The following TXLNB variants were observed in gnomAD, a reference collection of about 807,000 sequenced individuals.
TXLNB encodes beta-taxilin.
Under a neutral mutation model 57.4 loss-of-function variants are expected in TXLNB, and 37 were observed. That is an observed-to-expected ratio of 0.64 (90% CI 0.50 to 0.85). The LOEUF is 0.85. Among genes scored for constraint, TXLNB ranks in the 40% least tolerant of loss-of-function variants. The pLI is 0.00. For synonymous variants in TXLNB, 302 were observed against 309.6 expected, an observed-to-expected ratio of 0.98 and a Z score of 0.26; for missense variants, 848 against 825.6, an observed-to-expected ratio of 1.03 and a Z score of -0.33.
At chr6:139,179,913 A>AT in the TXLNB span, 7 of 152,280 alleles carry the variant, frequency 4.6e-5, no homozygotes, top group South Asian at 1.4e-3. Context: ...TATTCTTAAT[A>AT]TTTTTTAATT....
At chr6:139,189,251 T>C in the TXLNB span, among the ~76,000 whole-genome samples, 1 of 152,362 alleles carries the variant, frequency 6.6e-6, no homozygotes, top group South Asian at 2.1e-4. Context: ...GATTTCTCTT[T>C]TGATGTTTTT....
the TXLNB span, among the ~76,000 whole-genome samples, chr6:139,214,045 A>C: frequency 6.6e-6 from 1 of 152,224 alleles, no homozygotes; most frequent in Non-Finnish European, 1.5e-5. Flanking sequence ...ATTCTACCAG[A>C]GGGACAAGGA....
At chr6:139,198,013 G>A in the TXLNB span, 2 of 152,190 alleles carry the variant, frequency 1.3e-5, no homozygotes, top group African/African-American at 4.8e-5. Context: ...CACTGGCCAA[G>A]TAAATTTCAA....
At chr6:139,307,895 T>C in the TXLNB span, among the ~76,000 whole-genome samples, 47 of 152,302 alleles carry the variant, frequency 3.1e-4, 1 homozygote, top group South Asian at 9.7e-3. Context: ...TTTACACAAA[T>C]TTGCTCCTGA....
the TXLNB span, among the ~76,000 whole-genome samples, chr6:139,184,671 A>G: frequency 1.3e-5 from 2 of 152,232 alleles, no homozygotes; most frequent in Non-Finnish European, 2.9e-5. Context: ...AAACATGTCA[A>G]GCTGTCGGAT....
chr6:139,204,817 G>T, the TXLNB span, among the ~76,000 whole-genome samples: 1 of 152,028 alleles, frequency 6.6e-6, no homozygotes, highest in African/African-American at 2.4e-5. Context: ...ATGGGAGCTG[G>T]GTGAGGCCTA....
In TXLNB at chr6:139,255,629, G is replaced by A; in HGVS notation, c.1012C>T (p.Gln338Ter). The A allele has an allele frequency of 6.2e-7, 1 of 1,613,294 alleles. No individual in the cohort carries two copies. Among genetic ancestry groups the A allele is most frequent in the Non-Finnish European group, 8.5e-7 (1 of 1,179,492 alleles). The change falls in exon 7 of 10, where the codon CAG (glutamine) becomes TAG (stop). Residue 338 changes from glutamine (Q) to a stop codon, truncating the protein, a stop_gained. Transcript: ENST00000358430. LOFTEE classifies it high-confidence loss of function. ...HKREKEYLLN[Q>*]AAEWKLQAKV... ...GCCTGAAGTTTCCACTCTGCTGCCT[G>A]GTTCAGCAACTATGAGAAGAGAGAG... is the stretch of plus-strand genomic sequence containing the variant.
chr6:139,174,399 C>T, the TXLNB span: 3 of 1,613,694 alleles, frequency 1.9e-6, no homozygotes, highest in African/African-American at 4.0e-5. Flanking sequence ...ACTCATGCAT[C>T]TGTATGCCGT....
chr6:139,217,091 G>A, the TXLNB span, among the ~76,000 whole-genome samples: 1 of 152,178 alleles, frequency 6.6e-6, no homozygotes, highest in Non-Finnish European at 1.5e-5. Flanking sequence ...GTATTTTGGC[G>A]AGAATGAGGC....
chr6:139,316,645 A>T, the TXLNB span, among the ~76,000 whole-genome samples: 1 of 152,232 alleles, frequency 6.6e-6, no homozygotes, highest in African/African-American at 2.4e-5. Context: ...TCATTGAACA[A>T]TCTTTTCTTT....
At chr6:139,170,362 G>A in the TXLNB span, 1 of 152,190 alleles carries the variant, frequency 6.6e-6, no homozygotes, top group African/African-American at 2.4e-5. Flanking sequence ...TTTATAAAAT[G>A]TAACTAACTT....
At chr6:139,226,264 C>A in the TXLNB span, among the ~76,000 whole-genome samples, 2 of 131,394 alleles carry the variant, frequency 1.5e-5, no homozygotes, top group Non-Finnish European at 3.1e-5. Context: ...CTCCACGCCA[C>A]TGCACTCCAG....
chr6:139,188,684 T>C, the TXLNB span, among the ~76,000 whole-genome samples: 1 of 152,270 alleles, frequency 6.6e-6, no homozygotes, highest in African/African-American at 2.4e-5. Context: ...GCACTTTGTA[T>C]GTATGCCGGG....
the TXLNB span, among the ~76,000 whole-genome samples, chr6:139,193,137 C>G: frequency 6.6e-6 from 1 of 151,848 alleles, no homozygotes; most frequent in South Asian, 2.1e-4. Context: ...TGCAGGTTTT[C>G]CTCCTAACTT....
At chr6:139,276,733 A>G (rs1179110207) in intron 3 of TXLNB, 97 bp downstream of exon 3, 5 of 896,170 alleles carry the variant, frequency 5.6e-6, no homozygotes, top group African/African-American at 3.4e-5. Context: ...GCTGTTTACA[A>G]TTCATTCTCG....
Position 139,276,925 on chromosome 6 carries a change from A to C in TXLNB, c.425-4T>G. On this transcript the variant is annotated splice_region_variant and splice_polypyrimidine_tract_variant and intron_variant, in intron 2 of 9. Transcript: ENST00000358430. The stretch of plus-strand genomic sequence containing the variant: ...ATTAGCAGGTTGGCTTCTTTGCCTT[A>C]AAAAAAAAAGACATGAAAAAAATAA... 1 of 597,144 alleles carries C rather than the reference A, an allele frequency of 1.7e-6. No homozygotes were observed. The highest frequency in any genetic ancestry group is 2.2e-6 in the Non-Finnish European group (1 of 463,050). 37.0% of individuals were successfully genotyped at this position (597,144 alleles called of 1,614,324 possible). A position where few individuals can be genotyped will look rare whatever the true frequency, so the allele number is the denominator to read the frequency against.
chr6:139,190,828 C>T, the TXLNB span, among the ~76,000 whole-genome samples: 1 of 152,156 alleles, frequency 6.6e-6, no homozygotes, highest in Admixed American at 6.5e-5. Flanking sequence ...CTCTAAAAGC[C>T]ATCACCTTGG....
the TXLNB span, among the ~76,000 whole-genome samples, chr6:139,321,364 G>A: frequency 6.6e-6 from 1 of 152,094 alleles, no homozygotes; most frequent in South Asian, 2.1e-4. Context: ...AAGATAAAGT[G>A]AGAAGTCACC....
At chr6:139,166,214 G>A in the TXLNB span, 6 of 1,239,506 alleles carry the variant, frequency 4.8e-6, no homozygotes, top group South Asian at 7.2e-5. Context: ...ATACCATACT[G>A]TTGCAAGTAC....
Sources: gnomAD v4.1 joint callset for allele counts (sites outside exome capture counted in the v4.1 genomes callset) on GRCh38, gnomAD v4.1.1 for gene constraint, MANE v1.5 for transcripts, NCBI Gene and HGNC (gene_info 2026-07-23, HGNC 2026-07-21) for gene names.